Variants in ACP3 observed in about 807,000 individuals in gnomAD.
ACP3 encodes acid phosphatase 3.
In ACP3, 38 loss-of-function variants were observed where a neutral mutation model predicts 45.6. The ratio of observed to expected loss-of-function variants is 0.83; its 90% confidence interval spans 0.64 to 1.09. The LOEUF (loss-of-function observed/expected upper bound fraction) is 1.09. Ranked by LOEUF, ACP3 falls within the 50% of genes least tolerant of loss-of-function variation. The pLI, the probability that ACP3 is intolerant of heterozygous loss-of-function variation, is 0.00. For missense variants in ACP3, 466 were observed against 463.2 expected (o/e 1.01, Z -0.05); for synonymous variants, 162 against 164.7 (o/e 0.98, Z 0.13).
At chr3:132,337,030 T>C (rs1032722343) in intron 4 of ACP3, among the ~76,000 whole-genome samples, 3 of 151,846 alleles carry the variant, frequency 2.0e-5, no homozygotes, top group Non-Finnish European at 2.9e-5. Context: ...TTTTCCAGAA[T>C]CAAATTCCTT....
chr3:132,345,336 A>G (rs1937597554), intron 7 of ACP3, among the ~76,000 whole-genome samples: 1 of 152,230 alleles, frequency 6.6e-6, no homozygotes, highest in East Asian at 1.9e-4. Flanking sequence ...CATAACTATT[A>G]CTCACTCAAG....
intron 6 of ACP3, among the ~76,000 whole-genome samples, chr3:132,344,170 C>T (rs992134780): frequency 1.3e-5 from 2 of 150,870 alleles, no homozygotes; most frequent in Non-Finnish European, 2.9e-5. Flanking sequence ...CCCAGCTACT[C>T]GGGAGGCTGA....
chr3:132,361,686 A>C (rs1938043228), downstream of ACP3, among the ~76,000 whole-genome samples: 1 of 152,220 alleles, frequency 6.6e-6, no homozygotes, highest in South Asian at 2.1e-4. Context: ...TTTGTCCCAA[A>C]AGTCTGACTC....
intron 7 of ACP3, among the ~76,000 whole-genome samples, chr3:132,348,001 T>A (rs1465349028): frequency 6.6e-6 from 1 of 152,150 alleles, no homozygotes; most frequent in Non-Finnish European, 1.5e-5. Context: ...ACTACCTGGT[T>A]TTGTAAATAA....
At chr3:132,321,516 C>T (rs1937207144) in intron 1 of ACP3, among the ~76,000 whole-genome samples, 1 of 152,098 alleles carries the variant, frequency 6.6e-6, no homozygotes, top group Admixed American at 6.5e-5. Flanking sequence ...CAGCACCGTG[C>T]GCTGAGAGTT....
intron 5 of ACP3, among the ~76,000 whole-genome samples, chr3:132,340,587 G>A (rs955013911): frequency 2.0e-5 from 3 of 152,048 alleles, no homozygotes; most frequent in African/African-American, 7.2e-5. Context: ...AGTTCATACT[G>A]GTAGAAGGTA....
intron 10 of ACP3, among the ~76,000 whole-genome samples, chr3:132,365,737 T>A (rs1367074137): frequency 6.7e-6 from 1 of 149,116 alleles, no homozygotes; most frequent in African/African-American, 2.4e-5. Context: ...TCCCAGCACT[T>A]TGGGAGGTGC....
At chr3:132,324,687 G>A (rs1194296065) in intron 1 of ACP3, among the ~76,000 whole-genome samples, 1 of 152,114 alleles carries the variant, frequency 6.6e-6, no homozygotes, top group Non-Finnish European at 1.5e-5. Context: ...TCTGTCACCA[G>A]GCTGAAGTGC....
rs5852699 is a variant in ACP3, at chr3:132,320,652, G to GTT, written c.120+3091_120+3092dup. On this transcript the variant is annotated intron_variant, in intron 1 of 9. Transcript: ENST00000336375. ...TAATCAAGTAATATAATATTCTTGG[G>GTT]TTTTTTTTTTTTTTTTGAGACAGAG... Among the ~76,000 whole-genome samples the GTT allele has an allele frequency of 1.5e-3, 198 of 133,050 alleles. 4 individuals carry two copies. The East Asian group carries it at 0.031, about 21-fold the overall frequency. 87.3% of individuals were successfully genotyped at this position (133,050 alleles called of 152,430 possible).
At chr3:132,359,337 C>T (rs187677491), downstream of ACP3, among the ~76,000 whole-genome samples, 1 of 152,010 alleles carries the variant, frequency 6.6e-6, no homozygotes, top group Non-Finnish European at 1.5e-5. Context: ...ACGGTGAAAC[C>T]CCATCTCTAC....
intron 8 of ACP3, 67 bp downstream of exon 8, chr3:132,350,069 T>A: frequency 8.7e-7 from 1 of 1,145,880 alleles, no homozygotes; most frequent in Admixed American, 1.8e-5. Flanking sequence ...GCACAGGACC[T>A]CATCTTTTTT....
exon 11 of ACP3, chr3:132,367,835 A>G (rs757374669): frequency 1.3e-5 from 21 of 1,587,080 alleles, no homozygotes; most frequent in Non-Finnish European, 1.7e-5. Flanking sequence ...AGACAGCTGG[A>G]TAAGCCAGGC....
chr3:132,353,138 C>A (rs1005853586), intron 9 of ACP3, among the ~76,000 whole-genome samples: 2 of 152,102 alleles, frequency 1.3e-5, no homozygotes, highest in Admixed American at 6.6e-5. Flanking sequence ...AGAAAAATTT[C>A]TTGATGGTTA....
chr3:132,317,777 G>A (rs925047240), intron 1 of ACP3, among the ~76,000 whole-genome samples: 1 of 152,114 alleles, frequency 6.6e-6, no homozygotes, highest in Non-Finnish European at 1.5e-5. Context: ...TTTTTTGGTC[G>A]CTGTTTTTTT....
chr3:132,328,431 C>A (rs1937340824), intron 2 of ACP3, 69 bp downstream of exon 2: 2 of 1,378,004 alleles, frequency 1.5e-6, no homozygotes, highest in East Asian at 2.4e-5. Flanking sequence ...GTAATCCCAG[C>A]ACTTTGGGAG....
intron 1 of ACP3, among the ~76,000 whole-genome samples, chr3:132,318,329 A>G (rs895663223): frequency 2.0e-5 from 3 of 152,032 alleles, no homozygotes; most frequent in Non-Finnish European, 4.4e-5. Context: ...TAAGCCTCTA[A>G]GCTGCTTCTT....
intron 4 of ACP3, among the ~76,000 whole-genome samples, chr3:132,334,051 A>C (rs79856620): frequency 0.025 from 3,842 of 152,316 alleles, 189 homozygotes; most frequent in African/African-American, 0.088. Flanking sequence ...AGCTTGGGCA[A>C]CAAGAGCGAA....
At chr3:132,329,436 C>A (rs949011594) in intron 2 of ACP3, among the ~76,000 whole-genome samples, 1 of 152,126 alleles carries the variant, frequency 6.6e-6, no homozygotes, top group African/African-American at 2.4e-5. Flanking sequence ...TCTGCCCTGA[C>A]TATATTTCAT....
At chr3:132,318,465 G>A (rs1937147459) in intron 1 of ACP3, among the ~76,000 whole-genome samples, 1 of 150,644 alleles carries the variant, frequency 6.6e-6, no homozygotes. Context: ...ATAATTTGAA[G>A]GAAAGTCACT....
Sources: allele counts gnomAD v4.1 joint callset (sites outside exome capture counted in the v4.1 genomes callset), GRCh38; gene constraint gnomAD v4.1.1; transcripts MANE v1.5; gene names NCBI Gene and HGNC (gene_info 2026-07-23, HGNC 2026-07-21).